Variants in SNX13 observed in about 807,000 individuals in gnomAD.
SNX13 encodes the protein sorting nexin 13.
In SNX13, 45 loss-of-function variants were observed where a neutral mutation model predicts 133.6. The observed-to-expected ratio is 0.34, with a 90% confidence interval of 0.27 to 0.43. SNX13 has a LOEUF of 0.43. SNX13 is among the 20% of genes least tolerant of loss of function. The pLI is 1.00. For missense variants in SNX13, 1,032 were observed against 1,145.1 expected (o/e 0.90, Z 1.43); for synonymous variants, 414 against 373.9 (o/e 1.11, Z -1.24).
chr7:17,931,601 T>C (rs4532510), intron 1 of SNX13, among the ~76,000 whole-genome samples: 55,987 of 152,094 alleles, frequency 0.37, 12,626 homozygotes, highest in Non-Finnish European at 0.49. Context: ...CAATTCAGGT[T>C]TAAATGGAAT....
rs1583424700 is a variant in SNX13, at chr7:17,792,345, G to T, written c.*1700C>A. ...AGCCACTAAGGATCTTTTCTCACTT[G>T]CAAGTTGCAATGAAAGGGATTTCAT... On this transcript the variant is annotated 3_prime_UTR_variant, in exon 26 of 26. Coordinates refer to ENST00000428135, the MANE Select transcript of SNX13 (RefSeq NM_015132.5). 6.6e-6 allele frequency: 1 copy of T among 151,910 alleles called. No individual in the cohort carries two copies. The highest frequency in any genetic ancestry group is 1.5e-5 in the Non-Finnish European group (1 of 67,888). 9.4% of individuals were successfully genotyped at this position (151,910 alleles called of 1,614,324 possible).
Position 17,801,018 on chromosome 7 carries a change from A to ATATATATATATATATACG in SNX13, c.2298+569_2298+570insCGTATATATATATATATA, listed in dbSNP as rs1467379898. Among the ~76,000 whole-genome samples the ATATATATATATATATACG allele has an allele frequency of 4.3e-4, 5 of 11,746 alleles. 1 individual carries two copies. The highest frequency in any genetic ancestry group is 1.1e-3 in the African/African-American group (5 of 4,668). The allele number at this position is 11,746 out of a possible 152,430, so 7.7% of individuals were successfully genotyped here. On this transcript the variant is annotated intron_variant, in intron 22 of 25. Transcript: ENST00000428135. ...ATCTACTAAAACTGAACATATATAT[A>ATATATATATATATATACG]TATATATATATATATATATATATAT...
chr7:17,851,078 C>A (rs1459614272), intron 9 of SNX13, 114 bp from the exon 10 acceptor site: 20 of 1,086,376 alleles, frequency 1.8e-5, no homozygotes, highest in Non-Finnish European at 2.6e-5. Flanking sequence ...TCAGTGCTTA[C>A]AACAAAAAGA....
chr7:17,831,045 T>A, intron 15 of SNX13: 2 of 984,254 alleles, frequency 2.0e-6, no homozygotes, highest in Non-Finnish European at 2.4e-6. Flanking sequence ...TAGTTATCTA[T>A]CCTCCTTATT....
intron 24 of SNX13, among the ~76,000 whole-genome samples, chr7:17,798,006 A>C (rs912528727): frequency 5.3e-5 from 8 of 151,852 alleles, no homozygotes; most frequent in African/African-American, 1.9e-4. Context: ...AGTGCCAAGA[A>C]CTTAGTGTTC....
chr7:17,842,406 C>G (rs940482490), intron 12 of SNX13, among the ~76,000 whole-genome samples: 1 of 151,854 alleles, frequency 6.6e-6, no homozygotes, highest in African/African-American at 2.4e-5. Context: ...CCCAGATAAA[C>G]AAAAGCAAAG....
chr7:17,881,172 A>G (rs1397867617), intron 5 of SNX13: 2 of 152,108 alleles, frequency 1.3e-5, no homozygotes, highest in African/African-American at 4.8e-5. Context: ...TTTTAAAAAC[A>G]GTAAGAATGG....
intron 21 of SNX13, among the ~76,000 whole-genome samples, 190 bp from the exon 22 acceptor site, chr7:17,801,849 T>C (rs934035666): frequency 3.3e-5 from 5 of 152,058 alleles, no homozygotes; most frequent in African/African-American, 1.2e-4. Context: ...AAGGGTTTTC[T>C]CCTTTACAAA....
intron 1 of SNX13, among the ~76,000 whole-genome samples, chr7:17,935,029 C>T (rs183947253): frequency 1.5e-3 from 230 of 152,018 alleles, no homozygotes; most frequent in African/African-American, 5.1e-3. Context: ...GGTATATTTC[C>T]AAAAAACGGA....
intron 5 of SNX13, among the ~76,000 whole-genome samples, chr7:17,887,242 A>G (rs1796107394): frequency 1.3e-5 from 2 of 152,210 alleles, no homozygotes; most frequent in African/African-American, 2.4e-5. Context: ...AGAGACATTA[A>G]AAATTTTCTT....
intron 20 of SNX13, among the ~76,000 whole-genome samples, chr7:17,805,777 T>C (rs1785228187): frequency 6.6e-6 from 1 of 152,306 alleles, no homozygotes; most frequent in South Asian, 2.1e-4. Context: ...TAATTAAAAA[T>C]AGTTGTCTGT....
intron 20 of SNX13, among the ~76,000 whole-genome samples, chr7:17,814,151 G>A (rs967781251): frequency 5.9e-5 from 9 of 151,968 alleles, no homozygotes; most frequent in African/African-American, 2.2e-4. Flanking sequence ...TATTTTCCAG[G>A]CACTGTAATA....
chr7:17,857,946 G>T (rs1195912499), intron 9 of SNX13, among the ~76,000 whole-genome samples: 1 of 152,134 alleles, frequency 6.6e-6, no homozygotes, highest in African/African-American at 2.4e-5. Context: ...CATTTCAATA[G>T]ATGTTGAAAA....
At chr7:17,830,564 G>C (rs1305042054) in intron 15 of SNX13, 1 of 983,366 alleles carries the variant, frequency 1.0e-6, no homozygotes, top group Non-Finnish European at 1.2e-6. Flanking sequence ...TGGAAGTCCA[G>C]ATTTTTAAAT....
chr7:17,826,488 C>T (rs1001780550), intron 16 of SNX13, among the ~76,000 whole-genome samples: 2 of 151,876 alleles, frequency 1.3e-5, no homozygotes, highest in African/African-American at 4.8e-5. Context: ...TAGCTTAATA[C>T]TTTTGTTAAT....
intron 19 of SNX13, among the ~76,000 whole-genome samples, chr7:17,815,391 C>T (rs1361648025): frequency 2.6e-5 from 4 of 151,924 alleles, no homozygotes; most frequent in East Asian, 1.9e-4. Context: ...AAGACCAGCC[C>T]GGGCAACAAA....
In SNX13 at chr7:17,875,781, T is replaced by C. The variant is rs2128355976; in HGVS notation, c.450A>G (p.Glu150=). 1 of 1,601,030 alleles carries C rather than the reference T, an allele frequency of 6.2e-7. No individual in the cohort carries two copies. The highest frequency in any genetic ancestry group is 1.3e-5 in the African/African-American group (1 of 74,510). ...ALIQFATRSK[E]IDWQPYFTTR... is the part of the protein sequence containing the mutation. ...TAGTAAAATAAGGTTGCCAGTCTAT[T>C]TCTTTTGACCTTATAAAAAACACAT... The change falls in exon 6 of 26, where the codon GAA becomes GAG. Residue 150 remains glutamate, a synonymous_variant. Coordinates refer to ENST00000428135, the MANE Select transcript of SNX13 (RefSeq NM_015132.5).
intron 5 of SNX13, among the ~76,000 whole-genome samples, chr7:17,877,990 G>A (rs1327508870): frequency 6.6e-6 from 1 of 151,940 alleles, no homozygotes; most frequent in Non-Finnish European, 1.5e-5. Flanking sequence ...AATAATGTTT[G>A]TCTTAACAAA....
intron 20 of SNX13, among the ~76,000 whole-genome samples, chr7:17,807,510 C>T (rs549445843): frequency 6.6e-6 from 1 of 152,200 alleles, no homozygotes. Context: ...GACAGAGCAC[C>T]TGGTGAAAGG....
Sources: allele counts gnomAD v4.1 joint callset (sites outside exome capture counted in the v4.1 genomes callset), GRCh38; gene constraint gnomAD v4.1.1; transcripts MANE v1.5; gene names NCBI Gene and HGNC (gene_info 2026-07-23, HGNC 2026-07-21).